GLMN: variants seen among roughly 807,000 people sequenced by gnomAD.
The protein encoded by GLMN is glomulin, FKBP associated protein.
A neutral mutation model predicts 87.8 loss-of-function variants in GLMN; 75 were observed. The ratio of observed to expected loss-of-function variants is 0.85; its 90% CI spans 0.71 to 1.04. The LOEUF is 1.04. GLMN is among the 50% of genes least tolerant of loss of function. GLMN has a pLI of 0.00. For synonymous variants in GLMN, 206 were observed against 221.6 expected (o/e 0.93, Z 0.63); for missense variants, 588 against 658.8 (o/e 0.89, Z 1.18).
chr1:92,362,921 C>G, the GLMN span, among the ~76,000 whole-genome samples: 1 of 152,126 alleles, frequency 6.6e-6, no homozygotes. Flanking sequence ...AAGACTTACA[C>G]AACTTTTACA....
the GLMN span, among the ~76,000 whole-genome samples, chr1:92,351,362 T>G: frequency 6.6e-6 from 1 of 151,950 alleles, no homozygotes; most frequent in Non-Finnish European, 1.5e-5. Context: ...AAAATTATAT[T>G]TTTTGATGTG....
At chr1:92,342,362 A>G in the GLMN span, among the ~76,000 whole-genome samples, 6 of 152,324 alleles carry the variant, frequency 3.9e-5, no homozygotes, top group African/African-American at 1.4e-4. Context: ...GTTGCTGGTG[A>G]GGCTAGAGAA....
intron 7 of GLMN, among the ~76,000 whole-genome samples, chr1:92,283,957 A>T (rs557984408): frequency 6.6e-6 from 1 of 152,302 alleles, no homozygotes; most frequent in Middle Eastern, 3.4e-3. Flanking sequence ...ACCACTGTTC[A>T]ACAAAATAAA....
chr1:92,302,066 A>G (rs1452066214), upstream of GLMN, among the ~76,000 whole-genome samples: 1 of 152,192 alleles, frequency 6.6e-6, no homozygotes, highest in Admixed American at 6.5e-5. Flanking sequence ...GGATCACTTG[A>G]GGTCAGGAGT....
At chr1:92,282,014 C>T (rs190999421) in intron 7 of GLMN, among the ~76,000 whole-genome samples, 82 of 152,216 alleles carry the variant, frequency 5.4e-4, no homozygotes, top group African/African-American at 1.8e-3. Context: ...GACTCCCACA[C>T]GATAATAATG....
the GLMN span, among the ~76,000 whole-genome samples, chr1:92,342,637 C>A: frequency 2.5e-3 from 385 of 152,192 alleles, 3 homozygotes; most frequent in South Asian, 9.3e-3. Context: ...ATAGCCAGGA[C>A]TATTTTGGTA....
At chr1:92,250,761 T>C (rs759521333) in intron 16 of GLMN, among the ~76,000 whole-genome samples, 3 of 152,232 alleles carry the variant, frequency 2.0e-5, no homozygotes, top group Non-Finnish European at 4.4e-5. Flanking sequence ...TGCCTGTTCA[T>C]GAGGTAATTT....
In GLMN at chr1:92,267,950, T is replaced by G; in HGVS notation, c.1061A>C (p.Gln354Pro). The G allele has an allele frequency of 6.4e-7, 1 of 1,551,192 alleles. No individual in the cohort carries two copies. Among genetic ancestry groups the G allele is most frequent in the Non-Finnish European group, 8.9e-7 (1 of 1,122,876 alleles). The stretch of plus-strand genomic sequence containing the variant: ...AAGAAAACTCTTGATTTCTAAGTAC[T>G]GGTAAAGTAGACTATTGTCTTCTAT... ...LRIEDNSLLY[Q>P]YLEIKSFLTV... Residue 354 changes from glutamine (Q) to proline (P), a missense_variant, in exon 11 of 19, where the codon CAG becomes CCG. Transcript: ENST00000370360.
intron 7 of GLMN, among the ~76,000 whole-genome samples, chr1:92,273,010 C>T (rs1484182555): frequency 6.6e-6 from 1 of 152,120 alleles, no homozygotes; most frequent in East Asian, 1.9e-4. Flanking sequence ...CAACAAACTA[C>T]AAGAGTTAAA....
At chr1:92,359,953 C>T in the GLMN span, among the ~76,000 whole-genome samples, 7 of 152,188 alleles carry the variant, frequency 4.6e-5, no homozygotes, top group African/African-American at 1.7e-4. Context: ...AATGCAAACA[C>T]TGCTAGACTC....
At chr1:92,333,356 G>C in the GLMN span, 419 of 1,495,584 alleles carry the variant, frequency 2.8e-4, 4 homozygotes, top group African/African-American at 3.4e-3. Flanking sequence ...GTAAACTTAT[G>C]ATTCTGTTTT....
chr1:92,267,057 T>C (rs1311097761), intron 11 of GLMN, among the ~76,000 whole-genome samples: 1 of 152,158 alleles, frequency 6.6e-6, no homozygotes, highest in African/African-American at 2.4e-5. Flanking sequence ...AATCAAACAA[T>C]ATGTTAACAA....
chr1:92,324,425 C>G, the GLMN span: 1 of 1,322,786 alleles, frequency 7.6e-7, no homozygotes, highest in South Asian at 1.3e-5. Flanking sequence ...ATTTGGAAAA[C>G]TCACCACAGC....
At chr1:92,363,637 C>T in the GLMN span, 1,887 of 253,072 alleles carry the variant, frequency 7.5e-3, 14 homozygotes, top group African/African-American at 0.025. Context: ...CACTTCTATG[C>T]GGATATTTTT....
chr1:92,334,811 C>T, the GLMN span, among the ~76,000 whole-genome samples: 1 of 151,928 alleles, frequency 6.6e-6, no homozygotes, highest in Non-Finnish European at 1.5e-5. Flanking sequence ...ACGGTGAAAC[C>T]CCATCTCTAC....
At chr1:92,356,541 T>G in the GLMN span, among the ~76,000 whole-genome samples, 1 of 150,514 alleles carries the variant, frequency 6.6e-6, no homozygotes, top group African/African-American at 2.4e-5. Context: ...GCCTCAGCCT[T>G]CCAAGTAGCT....
intron 11 of GLMN, among the ~76,000 whole-genome samples, 158 bp from the exon 12 acceptor site, chr1:92,266,899 G>T (rs1655700933): frequency 6.6e-6 from 1 of 152,140 alleles, no homozygotes; most frequent in Non-Finnish European, 1.5e-5. Flanking sequence ...TTCCATTCCA[G>T]AAAGCTAACT....
At chr1:92,277,751 G>A (rs1647459185) in intron 7 of GLMN, among the ~76,000 whole-genome samples, 4 of 152,152 alleles carry the variant, frequency 2.6e-5, no homozygotes, top group Admixed American at 2.0e-4. Context: ...GAAACTTGGT[G>A]CCCCCTCCCC....
the GLMN span, among the ~76,000 whole-genome samples, chr1:92,314,030 G>T: frequency 6.6e-6 from 1 of 152,316 alleles, no homozygotes; most frequent in African/African-American, 2.4e-5. Context: ...GAATGTTGTA[G>T]CTGGTTTAAC....
Sources: allele counts gnomAD v4.1 joint callset (sites outside exome capture counted in the v4.1 genomes callset), GRCh38; gene constraint gnomAD v4.1.1; transcripts MANE v1.5; gene names NCBI Gene and HGNC (gene_info 2026-07-23, HGNC 2026-07-21).